TCF4: variants seen among roughly 807,000 people sequenced by gnomAD.
TCF4 encodes the protein SL3-3 enhancer factor 2.
Under a neutral mutation model 82.1 loss-of-function variants are expected in TCF4, and 3 were observed. The ratio of observed to expected loss-of-function variants is 0.04; its 90% CI spans 0.02 to 0.09. The LOEUF (loss-of-function observed/expected upper bound fraction) is 0.09. Among genes scored for constraint, TCF4 ranks in the 10% least tolerant of loss-of-function variants. TCF4 has a pLI of 1.00. For missense variants in TCF4, 518 were observed against 852.7 expected (o/e 0.61, Z 4.89); for synonymous variants, 276 against 309.6 (o/e 0.89, Z 1.14).
At chr18:55,299,655 G>C (rs1158441345) in intron 8 of TCF4, among the ~76,000 whole-genome samples, 1 of 152,066 alleles carries the variant, frequency 6.6e-6, no homozygotes, top group African/African-American at 2.4e-5. Context: ...CAGATTACCA[G>C]ACAGGTAAAT....
At chr18:55,280,265 G>A (rs1204104919) in intron 8 of TCF4, among the ~76,000 whole-genome samples, 1 of 152,138 alleles carries the variant, frequency 6.6e-6, no homozygotes, top group African/African-American at 2.4e-5. Flanking sequence ...CCAACAATCA[G>A]TGTGTGCATA....
Position 55,459,900 on chromosome 18 carries a change from T to C in TCF4, c.304+1119A>G, listed in dbSNP as rs79410547. Reference sequence around the variant, plus strand: ...TAAGATACTCAAAGGCACGAACATATGATGTTACCCATTAAAAATAAGTTG... The same window carrying C: ...TAAGATACTCAAAGGCACGAACATACGATGTTACCCATTAAAAATAAGTTG... On this transcript the variant is annotated intron_variant, in intron 5 of 19. Transcript: ENST00000354452. 9.2e-5 allele frequency among the ~76,000 whole-genome samples: 14 copies of C among 152,312 alleles called. No individual in the cohort carries two copies. In the East Asian group the frequency reaches 2.5e-3, roughly 27 times the overall value.
intron 8 of TCF4, among the ~76,000 whole-genome samples, chr18:55,300,646 C>A (rs1192294555): frequency 6.6e-6 from 1 of 152,142 alleles, no homozygotes; most frequent in Admixed American, 6.6e-5. Context: ...TCAGGCCTGG[C>A]GTTGCCATCA....
chr18:55,236,616 A>G (rs1033374970), intron 15 of TCF4, among the ~76,000 whole-genome samples: 3 of 152,142 alleles, frequency 2.0e-5, no homozygotes, highest in African/African-American at 7.2e-5. Flanking sequence ...GAAGCATGAT[A>G]GCTATTTTCC....
At chr18:55,403,802 T>C in intron 5 of TCF4, 1 of 1,504,846 alleles carries the variant, frequency 6.6e-7, no homozygotes, top group Non-Finnish European at 8.8e-7. Flanking sequence ...CGTAACTCCT[T>C]ATTTTCACTT....
At chr18:55,383,690 G>C (rs367747514) in intron 6 of TCF4, among the ~76,000 whole-genome samples, 11 of 152,202 alleles carry the variant, frequency 7.2e-5, no homozygotes, top group African/African-American at 2.4e-4. Context: ...TTACTACGGG[G>C]TTGGCCATAC....
intron 2 of TCF4, among the ~76,000 whole-genome samples, chr18:55,598,474 C>T (rs966258753): frequency 7.9e-5 from 12 of 152,072 alleles, no homozygotes; most frequent in African/African-American, 2.9e-4. Context: ...TGCCATTGGC[C>T]TTTTTTCACA....
chr18:55,438,826 G>A (rs943127738), intron 5 of TCF4, among the ~76,000 whole-genome samples: 3 of 152,234 alleles, frequency 2.0e-5, no homozygotes, highest in African/African-American at 4.8e-5. Flanking sequence ...AAGGTGAGAA[G>A]AAGGGACCGA....
rs2097733216 is a variant in TCF4, at chr18:55,633,326, C to T, written c.196-1938G>A. ...CTGTTGGCAGGAGGCCTCAGCTTCT[C>T]TCCATGTGGGACTCGCCACAGTCTG... On this transcript the variant is annotated intron_variant, in intron 1 of 20. Transcript: ENST00000398339. The surrounding 1 kb of genome is among the most constrained non-coding windows in gnomAD (Gnocchi z 4.0). Among the ~76,000 whole-genome samples the T allele has an allele frequency of 6.6e-6, 1 of 152,170 alleles. No individual in the cohort carries two copies. The highest frequency in any genetic ancestry group is 6.5e-5 in the Admixed American group (1 of 15,274).
chr18:55,394,813 G>A (rs1195079579), intron 6 of TCF4, among the ~76,000 whole-genome samples: 1 of 152,214 alleles, frequency 6.6e-6, no homozygotes, highest in Non-Finnish European at 1.5e-5. Flanking sequence ...ATCTGTGAGT[G>A]AAAGCACATG....
chr18:55,566,858 G>A (rs1287830199), intron 3 of TCF4, among the ~76,000 whole-genome samples: 1 of 152,152 alleles, frequency 6.6e-6, no homozygotes, highest in Non-Finnish European at 1.5e-5. Flanking sequence ...GAATTGGAGG[G>A]AGACATGAAG....
intron 6 of TCF4, among the ~76,000 whole-genome samples, chr18:55,365,150 CTCCAAAATATATATATATATATA>C (rs1304782475): frequency 3.4e-5 from 3 of 87,646 alleles, no homozygotes; most frequent in Admixed American, 1.2e-4. Flanking sequence ...GAGACTCCAT[CTCCAAAATATATATATATATATA>C]TATATATATA....
rs2046001687 is a variant in TCF4, at chr18:55,222,521, T to C, written c.*5514A>G. On this transcript the variant is annotated 3_prime_UTR_variant, in exon 20 of 20. Transcript: ENST00000354452. ...CCCAACATTTGGCTATGGAGGGCAC[T>C]TCACATGTGAACCAAATGGCGTTAT... is the stretch of plus-strand genomic sequence containing the variant. The C allele has an allele frequency of 6.6e-6, 1 of 151,646 alleles. No individual in the cohort carries two copies. Among genetic ancestry groups the C allele is most frequent in the African/African-American group, 2.4e-5 (1 of 41,214 alleles). The allele number at this position is 151,646 out of a possible 1,614,324, so 9.4% of individuals were successfully genotyped here.
intron 8 of TCF4, chr18:55,302,754 A>G (rs1363352854): frequency 4.3e-6 from 3 of 701,036 alleles, no homozygotes; most frequent in Non-Finnish European, 6.6e-6. Flanking sequence ...ACCAGGCATG[A>G]GGCGTCCCCT....
At chr18:55,590,105 G>C (rs1186617733), upstream of TCF4, among the ~76,000 whole-genome samples, 3 of 152,228 alleles carry the variant, frequency 2.0e-5, no homozygotes, top group Non-Finnish European at 4.4e-5. Context: ...CAAAAGTGTA[G>C]TTTCGGCACA....
chr18:55,378,411 TGAA>T (rs2091272868), intron 6 of TCF4, among the ~76,000 whole-genome samples: 1 of 152,222 alleles, frequency 6.6e-6, no homozygotes, highest in Non-Finnish European at 1.5e-5. Flanking sequence ...CTAATGTTAA[TGAA>T]GAAGGTGCTC....
chr18:55,259,740 T>C (rs968721108), intron 13 of TCF4: 4 of 560,584 alleles, frequency 7.1e-6, no homozygotes, highest in African/African-American at 1.9e-5. Flanking sequence ...AAAAAGATAA[T>C]CTAATTTTTA....
At chr18:55,428,720 C>T (rs992276510) in intron 5 of TCF4, among the ~76,000 whole-genome samples, 1 of 152,182 alleles carries the variant, frequency 6.6e-6, no homozygotes, top group Non-Finnish European at 1.5e-5. Flanking sequence ...AGATAAACCA[C>T]CTCCATTTCA....
intron 6 of TCF4, among the ~76,000 whole-genome samples, chr18:55,386,353 C>T (rs573819231): frequency 1.1e-4 from 16 of 152,312 alleles, no homozygotes; most frequent in Non-Finnish European, 2.1e-4. Flanking sequence ...ACATTCAGAC[C>T]ATTTCGTATT....
Sources: allele counts gnomAD v4.1 joint callset (sites outside exome capture counted in the v4.1 genomes callset), GRCh38; gene constraint gnomAD v4.1.1; non-coding constraint Gnocchi (gnomAD v3.1); transcripts MANE v1.5; gene names NCBI Gene and HGNC (gene_info 2026-07-23, HGNC 2026-07-21).